MGRN1: variants seen among roughly 807,000 people sequenced by gnomAD.
The protein encoded by MGRN1 is E3 ubiquitin-protein ligase MGRN1.
A neutral mutation model predicts 69.2 loss-of-function variants in MGRN1; 29 were observed. The ratio of observed to expected loss-of-function variants is 0.42; its 90% CI spans 0.31 to 0.57. MGRN1 has a LOEUF of 0.57. MGRN1 is among the 20% of genes least tolerant of loss of function. MGRN1 has a pLI of 0.15. For missense variants in MGRN1, 998 were observed against 796.2 expected (o/e 1.25, Z -3.05); for synonymous variants, 470 against 344.2 (o/e 1.37, Z -4.04).
At chr16:4,661,420 C>G (rs906057115) in intron 5 of MGRN1, among the ~76,000 whole-genome samples, 1 of 152,254 alleles carries the variant, frequency 6.6e-6, no homozygotes, top group African/African-American at 2.4e-5. Flanking sequence ...CTCCTGTTGC[C>G]TGGACACACA....
intron 1 of MGRN1, among the ~76,000 whole-genome samples, chr16:4,629,152 G>T (rs59028974): frequency 0.018 from 2,389 of 130,806 alleles, 61 homozygotes; most frequent in African/African-American, 0.076. Context: ...CTGTTCGTAT[G>T]TGTGTGTGTG....
chr16:4,643,814 A>C (rs1173958554), intron 1 of MGRN1, among the ~76,000 whole-genome samples: 1 of 152,228 alleles, frequency 6.6e-6, no homozygotes, highest in East Asian at 1.9e-4. Context: ...TGATCAAACA[A>C]ATATTCCAGT....
chr16:4,688,876 G>T lies in MGRN1; in HGVS notation c.1699G>T (p.Asp567Tyr). Reference protein sequence around the residue: ...TWPPLGGPSPDPSAAELTPL With the variant: ...TWPPLGGPSPYPSAAELTPL ...GCCTCCACTTGGTGGCCCCAGCCCC[G>T]ATCCCAGCGCCGCCGAGCTGACCCC... The change falls in exon 17 of 17, where the codon GAT (aspartate) becomes TAT (tyrosine). Residue 567 changes from aspartate to tyrosine, a missense_variant. Physicochemically the swap from Asp to Tyr is radical, Grantham distance 160. Coordinates refer to ENST00000262370, the MANE Select transcript of MGRN1 (RefSeq NM_015246.4). 1 of 1,553,022 alleles carries T rather than the reference G, an allele frequency of 6.4e-7. No homozygotes were observed. Among genetic ancestry groups the T allele is most frequent in the Non-Finnish European group, 8.7e-7 (1 of 1,147,902 alleles).
At chr16:4,673,321 C>T (rs1346784603) in intron 9 of MGRN1, among the ~76,000 whole-genome samples, 177 bp from the exon 10 acceptor site, 2 of 152,132 alleles carry the variant, frequency 1.3e-5, no homozygotes, top group African/African-American at 4.8e-5. Flanking sequence ...TGAGTTTGCA[C>T]TGGATTTGAG....
At chr16:4,650,630 G>A (rs2078384184) in intron 2 of MGRN1, 147 bp downstream of exon 2, 1 of 613,932 alleles carries the variant, frequency 1.6e-6, no homozygotes, top group South Asian at 2.4e-5. Context: ...TTGAGCTTGG[G>A]TGTGGGCACG....
In MGRN1 at chr16:4,628,770, C is replaced by G. The variant is rs145145854; in HGVS notation, c.88+3722C>G. Reference sequence around the variant, plus strand: ...ATATTGGCCAGTCTGGTCTCGAGCTCCTGACCTCAGGTGATCTGCCTGCCT... The same window carrying G: ...ATATTGGCCAGTCTGGTCTCGAGCTGCTGACCTCAGGTGATCTGCCTGCCT... On this transcript the variant is annotated intron_variant, in intron 1 of 16. Transcript: ENST00000262370. Among the ~76,000 whole-genome samples the G allele has an allele frequency of 1.1e-4, 17 of 152,286 alleles. No homozygotes were observed. In the East Asian group the frequency reaches 2.5e-3, roughly 22 times the overall value.
chr16:4,674,905 G>T (rs959121907), intron 10 of MGRN1, among the ~76,000 whole-genome samples: 2 of 151,752 alleles, frequency 1.3e-5, no homozygotes, highest in Non-Finnish European at 2.9e-5. Flanking sequence ...CTCCCAAAGT[G>T]CTGGGATTAC....
chr16:4,667,850 C>A (rs1349927011), intron 7 of MGRN1, among the ~76,000 whole-genome samples: 1 of 152,104 alleles, frequency 6.6e-6, no homozygotes, highest in Non-Finnish European at 1.5e-5. Context: ...TCTAACTCAG[C>A]CGGGCCTGGG....
At chr16:4,656,550 T>A (rs1040971399) in intron 4 of MGRN1, among the ~76,000 whole-genome samples, 1 of 152,138 alleles carries the variant, frequency 6.6e-6, no homozygotes, top group African/African-American at 2.4e-5. Context: ...GAAGATGCAT[T>A]TTGCACTGTG....
At position 4,685,004 on chromosome 16, in the gene MGRN1, AGTGGCCTGTGCTC is replaced by A. The variant is rs200054703; in HGVS notation, c.1618+1073_1618+1085del. ...TTGTGCCCCCGGACTCTGGCTGAGCAGTGGCCTGTGCTCATGGGCTGGGCGTGACAGGTCGCAG... is the reference window on the plus strand; with the variant it reads ...TTGTGCCCCCGGACTCTGGCTGAGCAATGGGCTGGGCGTGACAGGTCGCAG... On this transcript the variant is annotated intron_variant, in intron 16 of 16. Coordinates refer to ENST00000262370, the MANE Select transcript of MGRN1 (RefSeq NM_015246.4). 2.7e-4 allele frequency among the ~76,000 whole-genome samples: 41 copies of A among 152,330 alleles called. No homozygotes were observed. The East Asian group carries it at 7.5e-3, about 28-fold the overall frequency.
intron 13 of MGRN1, among the ~76,000 whole-genome samples, chr16:4,682,475 G>A (rs970198135): frequency 3.9e-5 from 6 of 152,194 alleles, no homozygotes; most frequent in African/African-American, 1.2e-4. Context: ...CCATGCCCAC[G>A]AGGAGGCAGC....
intron 1 of MGRN1, among the ~76,000 whole-genome samples, chr16:4,627,179 G>A (rs946064715): frequency 3.9e-5 from 6 of 152,180 alleles, no homozygotes; most frequent in African/African-American, 1.4e-4. Flanking sequence ...GATGATTTTA[G>A]GGGTTGCCCC....
chr16:4,673,486 T>A lies in MGRN1; in HGVS notation c.796-12T>A. ...TGGGAGGCTGCTGACCCACAAGCCC[T>A]TGTCCCGGCAGCCCTCGGACGACGA... is the stretch of plus-strand genomic sequence containing the variant. On this transcript the variant is annotated splice_polypyrimidine_tract_variant and intron_variant, in intron 9 of 16. Transcript: ENST00000262370. 1.2e-6 allele frequency: 2 copies of A among 1,610,496 alleles called. No individual in the cohort carries two copies. Among genetic ancestry groups the A allele is most frequent in the Non-Finnish European group, 1.7e-6 (2 of 1,179,442 alleles).
At chr16:4,686,138 A>C (rs1347958847) in intron 16 of MGRN1, 1 of 1,163,128 alleles carries the variant, frequency 8.6e-7, no homozygotes, top group African/African-American at 1.6e-5. Flanking sequence ...TGGTTGCAGC[A>C]GAGTGTTTGT....
At chr16:4,687,194 T>C (rs1293209301) in intron 16 of MGRN1, 1 of 955,028 alleles carries the variant, frequency 1.0e-6, no homozygotes, top group African/African-American at 1.9e-5. Context: ...CCCTGTGAGG[T>C]TGGCATCCCC....
Position 4,683,241 on chromosome 16 carries a change from G to C in MGRN1, c.1500G>C (p.Glu500Asp), listed in dbSNP as rs763167820. 2 of 1,613,740 alleles carry C rather than the reference G, an allele frequency of 1.2e-6. No individual in the cohort carries two copies. The highest frequency in any genetic ancestry group is 2.7e-5 in the African/African-American group (2 of 74,948). Residue 500 changes from glutamate (E) to aspartate (D), a missense_variant, in exon 15 of 17, where the codon GAG (glutamate) becomes GAC (aspartate). Glu to Asp is a conservative substitution (Grantham distance 45). Transcript: ENST00000262370. ...SSSPESFITE[E>D]VDESSSPQQG... Reference sequence around the variant, plus strand: ...TTTCCTAGAGTTTCATAACAGAAGAGGTTGATGAGTCGTCGTCACCACAGC... The same window carrying C: ...TTTCCTAGAGTTTCATAACAGAAGACGTTGATGAGTCGTCGTCACCACAGC...
chr16:4,664,953 G>A, intron 6 of MGRN1, 149 bp from the exon 7 acceptor site: 1 of 1,156,014 alleles, frequency 8.7e-7, no homozygotes, highest in Non-Finnish European at 1.3e-6. Flanking sequence ...GGAAAGTGCA[G>A]GAGGGCAGGT....
At chr16:4,683,075 G>A in intron 14 of MGRN1, 129 bp downstream of exon 14, 5 of 1,490,576 alleles carry the variant, frequency 3.4e-6, no homozygotes, top group Non-Finnish European at 3.6e-6. Context: ...TTGCTGAGCT[G>A]CGCGGCTCCT....
intron 10 of MGRN1, 87 bp from the exon 11 acceptor site, chr16:4,677,376 G>C (rs1367114465): frequency 1.1e-5 from 11 of 1,003,362 alleles, no homozygotes; most frequent in Admixed American, 6.0e-5. Context: ...TATGGTGTGG[G>C]GGGGGTGTTG....
Sources: allele counts gnomAD v4.1 joint callset (sites outside exome capture counted in the v4.1 genomes callset), GRCh38; gene constraint gnomAD v4.1.1; transcripts MANE v1.5; gene names NCBI Gene and HGNC (gene_info 2026-07-23, HGNC 2026-07-21).